Variants in CATSPERG observed in about 807,000 individuals in gnomAD.
The protein encoded by CATSPERG is cation channel sperm-associated auxiliary subunit gamma.
CATSPERG carries 115 observed loss-of-function variants against 145.0 expected under a neutral mutation model. The observed-to-expected ratio is 0.79, with a 90% CI of 0.68 to 0.93. The LOEUF (loss-of-function observed/expected upper bound fraction) is 0.93. Ranked by LOEUF, CATSPERG falls within the 40% of genes least tolerant of loss-of-function variation. The pLI is 0.00. For missense variants in CATSPERG, 1,296 were observed against 1,490.1 expected (o/e 0.87, Z 2.14); for synonymous variants, 588 against 589.0 (o/e 1.00, Z 0.02).
At chr19:38,356,207 C>T (rs1287090667) in intron 9 of CATSPERG, among the ~76,000 whole-genome samples, 1 of 152,172 alleles carries the variant, frequency 6.6e-6, no homozygotes, top group African/African-American at 2.4e-5. Context: ...ATGAAGACAG[C>T]ATCTTTCCCA....
chr19:38,356,422 G>C (rs1426847950), intron 9 of CATSPERG, 62 bp from the exon 10 acceptor site: 1 of 1,546,102 alleles, frequency 6.5e-7, no homozygotes, highest in East Asian at 2.3e-5. Flanking sequence ...ATCGGAGTTG[G>C]CTTGATGGGC....
At chr19:38,346,717 C>T in intron 7 of CATSPERG, 112 bp downstream of exon 7, 1 of 957,682 alleles carries the variant, frequency 1.0e-6, no homozygotes, top group African/African-American at 1.7e-5. Context: ...ACATATCTGT[C>T]CCCATGAGAG....
Position 38,337,253 on chromosome 19 carries a change from T to A in CATSPERG, c.19T>A (p.Phe7Ile), listed in dbSNP as rs1568369594. Residue 7 changes from phenylalanine (F) to isoleucine (I), a missense_variant, in exon 2 of 29, where the codon TTC becomes ATC. Transcript: ENST00000409235. MCGPAM[F>I]PAGPPWPRVR... ...CCACGTTATGTGCGGCCCAGCCATG[T>A]TCCCTGCCGGTCCTCCGTGGCCCAG... 1.9e-6 allele frequency: 3 copies of A among 1,551,282 alleles called. No homozygotes were observed. Among genetic ancestry groups the A allele is most frequent in the Admixed American group, 3.9e-5 (2 of 50,986 alleles).
Position 38,356,555 on chromosome 19 carries a change from C to T in CATSPERG, c.1195+12C>T. 1 of 1,613,054 alleles carries T rather than the reference C, an allele frequency of 6.2e-7. No individual in the cohort carries two copies. Among genetic ancestry groups the T allele is most frequent in the Non-Finnish European group, 8.5e-7 (1 of 1,179,478 alleles). On this transcript the variant is annotated intron_variant, in intron 10 of 28. Coordinates refer to ENST00000409235, the MANE Select transcript of CATSPERG (RefSeq NM_021185.5). ...CGAGCAGATAGGAGGTACTCATTACCCCGATGGGTCTGCGGTGGGAGGCTG... is the reference window on the plus strand; with the variant it reads ...CGAGCAGATAGGAGGTACTCATTACTCCGATGGGTCTGCGGTGGGAGGCTG...
intron 22 of CATSPERG, chr19:38,365,875 T>C (rs1290874820): frequency 6.6e-6 from 1 of 152,074 alleles, no homozygotes; most frequent in Non-Finnish European, 1.5e-5. Flanking sequence ...GCCTAGCTAA[T>C]TTTTTATATT....
chr19:38,364,486 C>T (rs1970412878), intron 20 of CATSPERG, among the ~76,000 whole-genome samples: 1 of 152,044 alleles, frequency 6.6e-6, no homozygotes, highest in Non-Finnish European at 1.5e-5. Context: ...GATGGGCAGC[C>T]AGGCAGAGAC....
At chr19:38,336,708 CG>C (rs1331544939) in intron 1 of CATSPERG, 6 of 250,286 alleles carry the variant, frequency 2.4e-5, no homozygotes, top group Non-Finnish European at 4.0e-5. Flanking sequence ...AGAAGCAGTA[CG>C]GGGGAACTTA....
chr19:38,367,361 C>A (rs779603929), intron 23 of CATSPERG, 49 bp downstream of exon 23: 1 of 1,589,840 alleles, frequency 6.3e-7, no homozygotes, highest in East Asian at 2.2e-5. Flanking sequence ...CTCTTGCCCC[C>A]ACTACTTTGT....
intron 6 of CATSPERG, among the ~76,000 whole-genome samples, chr19:38,344,723 A>G (rs1037520621): frequency 8.9e-5 from 12 of 134,476 alleles, no homozygotes; most frequent in African/African-American, 3.2e-4. Flanking sequence ...ATACCTGTAC[A>G]TACATATATA....
Position 38,337,260 on chromosome 19 carries a change from C to T in CATSPERG, c.26C>T (p.Ala9Val), listed in dbSNP as rs1272091306. 5.2e-6 allele frequency: 8 copies of T among 1,551,432 alleles called. No homozygotes were observed. Among genetic ancestry groups the T allele is most frequent in the Non-Finnish European group, 7.0e-6 (8 of 1,147,012 alleles). The change falls in exon 2 of 29, where the codon GCC (alanine) becomes GTC (valine). Residue 9 changes from alanine (A) to valine (V), a missense_variant. Physicochemically the swap from Ala to Val is moderately conservative, Grantham distance 64. Coordinates refer to ENST00000409235, the MANE Select transcript of CATSPERG (RefSeq NM_021185.5). ...ATGTGCGGCCCAGCCATGTTCCCTG[C>T]CGGTCCTCCGTGGCCCAGAGTCCGA... MCGPAMFP[A>V]GPPWPRVRVV...
At chr19:38,348,715 C>T (rs1970084930) in intron 7 of CATSPERG, among the ~76,000 whole-genome samples, 2 of 151,978 alleles carry the variant, frequency 1.3e-5, no homozygotes, top group South Asian at 2.1e-4. Context: ...TCAAGTGATC[C>T]ACCCGCCTCA....
At chr19:38,360,445 C>G in intron 14 of CATSPERG, 44 bp from the exon 15 acceptor site, 1 of 1,609,506 alleles carries the variant, frequency 6.2e-7, no homozygotes, top group Non-Finnish European at 8.5e-7. Flanking sequence ...GATCAGAGGA[C>G]CCCATGGTCC....
chr19:38,349,167 T>G (rs1184543873), intron 7 of CATSPERG: 1 of 152,216 alleles, frequency 6.6e-6, no homozygotes, highest in Non-Finnish European at 1.5e-5. Flanking sequence ...GGTCTCACTT[T>G]CTTACCCAGG....
chr19:38,340,456 G>A (rs572492613), intron 3 of CATSPERG, among the ~76,000 whole-genome samples: 1 of 151,770 alleles, frequency 6.6e-6, no homozygotes, highest in South Asian at 2.1e-4. Context: ...AAGTAGCTGG[G>A]ACTACAGATG....
In CATSPERG at chr19:38,337,581, C is replaced by T. The variant is rs1165622127; in HGVS notation, c.271-12C>T. On this transcript the variant is annotated splice_polypyrimidine_tract_variant and intron_variant, in intron 2 of 28. Transcript: ENST00000409235. The stretch of plus-strand genomic sequence containing the variant: ...CTCATTTCTGGACGTGTGGCCTAAC[C>T]TCTCTTTGCAGAAATACCTGGGCTT... 12 of 1,551,776 alleles carry T rather than the reference C, an allele frequency of 7.7e-6. No individual in the cohort carries two copies. Among genetic ancestry groups the T allele is most frequent in the Non-Finnish European group, 1.0e-5 (12 of 1,147,006 alleles).
chr19:38,354,944 C>CT, intron 9 of CATSPERG, 97 bp downstream of exon 9: 1 of 1,410,734 alleles, frequency 7.1e-7, no homozygotes, highest in Non-Finnish European at 9.7e-7. Flanking sequence ...TACCATGTGC[C>CT]CTGAGGAGGG....
In CATSPERG at chr19:38,361,499, G is replaced by A. The variant is rs535092398; in HGVS notation, c.1881-149G>A. On this transcript the variant is annotated intron_variant, in intron 16 of 28. Transcript: ENST00000409235. Reference sequence around the variant, plus strand: ...GACGTCCGAGGGGATGTGTGCAGAGGCCTCTGGGCAGCAGGGGCTGACGCT... The same window carrying A: ...GACGTCCGAGGGGATGTGTGCAGAGACCTCTGGGCAGCAGGGGCTGACGCT... 11 of 653,870 alleles carry A rather than the reference G, an allele frequency of 1.7e-5. No individual in the cohort carries two copies. The East Asian group carries it at 3.0e-4, about 18-fold the overall frequency. 40.5% of individuals were successfully genotyped at this position (653,870 alleles called of 1,614,324 possible). A position where few individuals can be genotyped will look rare whatever the true frequency, so the allele number is the denominator to read the frequency against.
At chr19:38,363,934 C>T (rs965908848) in intron 20 of CATSPERG, among the ~76,000 whole-genome samples, 1 of 152,274 alleles carries the variant, frequency 6.6e-6, no homozygotes, top group African/African-American at 2.4e-5. Flanking sequence ...TTCCACTCCA[C>T]AAAACCGCCA....
chr19:38,343,687 G>A lies in CATSPERG; in HGVS notation c.432G>A (p.Leu144=). Reference sequence around the variant, plus strand: ...TCTACCGCTGGAAGATAGAGCAGCTGCAGATCCAGATGGAGGCTGCCCCCT... The same window carrying A: ...TCTACCGCTGGAAGATAGAGCAGCTACAGATCCAGATGGAGGCTGCCCCCT... ...VNFYRWKIEQ[L]QIQMEAAPFR... Residue 144 remains leucine (L), a synonymous_variant, in exon 4 of 29, where the codon CTG becomes CTA. Coordinates refer to ENST00000409235, the MANE Select transcript of CATSPERG (RefSeq NM_021185.5). 2 of 1,551,374 alleles carry A rather than the reference G, an allele frequency of 1.3e-6. No homozygotes were observed. The highest frequency in any genetic ancestry group is 1.7e-6 in the Non-Finnish European group (2 of 1,146,980).
Sources: allele counts gnomAD v4.1 joint callset (sites outside exome capture counted in the v4.1 genomes callset), GRCh38; gene constraint gnomAD v4.1.1; transcripts MANE v1.5; gene names NCBI Gene and HGNC (gene_info 2026-07-23, HGNC 2026-07-21).